CHRM3: variants seen among roughly 807,000 people sequenced by gnomAD.
CHRM3 encodes cholinergic receptor muscarinic 3.
A neutral mutation model predicts 41.8 loss-of-function variants in CHRM3; 11 were observed. The observed-to-expected ratio is 0.26, with a 90% confidence interval of 0.17 to 0.44. CHRM3 has a LOEUF of 0.44. Ranked by LOEUF, CHRM3 falls within the 20% of genes least tolerant of loss-of-function variation. CHRM3 has a pLI of 1.00. For synonymous variants in CHRM3, 297 were observed against 301.4 expected (o/e 0.99, Z 0.15); for missense variants, 571 against 745.4 (o/e 0.77, Z 2.72).
At chr1:239,504,070 A>C (rs1305449572) in intron 2 of CHRM3, among the ~76,000 whole-genome samples, 1 of 152,184 alleles carries the variant, frequency 6.6e-6, no homozygotes, top group Non-Finnish European at 1.5e-5. Flanking sequence ...TTTGGGACTT[A>C]AACTAAAGAG....
intron 5 of CHRM3, among the ~76,000 whole-genome samples, chr1:239,701,816 C>G (rs1660715146): frequency 6.6e-6 from 1 of 152,116 alleles, no homozygotes. Context: ...CCTTCTCACC[C>G]CATTCCTCGC....
At chr1:239,442,943 T>G (rs1357072591) in intron 1 of CHRM3, among the ~76,000 whole-genome samples, 1 of 152,226 alleles carries the variant, frequency 6.6e-6, no homozygotes, top group Non-Finnish European at 1.5e-5. Flanking sequence ...TGTAGTTTAA[T>G]CAAGTCTGAC....
In CHRM3 at chr1:239,671,763, T is replaced by C. The variant is rs974005322; in HGVS notation, c.-249-6423T>C. On this transcript the variant is annotated intron_variant, in intron 4 of 6. Coordinates refer to ENST00000676153, the MANE Select transcript of CHRM3 (RefSeq NM_001375978.1). ...TATAATTGGAAATCCAGAGTAGTTT[T>C]TGAGAAATAATTTCTAAATTCTTTT... Among the ~76,000 whole-genome samples, 5 of 152,274 alleles carry C rather than the reference T, an allele frequency of 3.3e-5. No individual in the cohort carries two copies. The South Asian group carries it at 8.3e-4, about 25-fold the overall frequency.
intron 6 of CHRM3, among the ~76,000 whole-genome samples, chr1:239,875,081 C>T (rs1042721910): frequency 6.6e-6 from 1 of 152,146 alleles, no homozygotes; most frequent in Admixed American, 6.5e-5. Flanking sequence ...TAGCAAAATG[C>T]CCAAAAGGTA....
chr1:239,809,050 T>C (rs1468707403), intron 5 of CHRM3, among the ~76,000 whole-genome samples: 1 of 130,006 alleles, frequency 7.7e-6, no homozygotes, highest in Non-Finnish European at 1.6e-5. Context: ...GACAGAGTCT[T>C]GCTCTGTCAC....
At chr1:239,842,503 G>A (rs1422127878) in intron 6 of CHRM3, among the ~76,000 whole-genome samples, 3 of 152,170 alleles carry the variant, frequency 2.0e-5, no homozygotes, top group African/African-American at 7.2e-5. Flanking sequence ...CCAAAGTGTT[G>A]GGATTACAGG....
intron 5 of CHRM3, among the ~76,000 whole-genome samples, chr1:239,802,289 G>GA (rs917588889): frequency 4.6e-5 from 7 of 152,082 alleles, no homozygotes; most frequent in Non-Finnish European, 7.4e-5. Flanking sequence ...ATGTGCCATA[G>GA]AAAAAAATAT....
intron 1 of CHRM3, among the ~76,000 whole-genome samples, chr1:239,405,849 A>G (rs1489376854): frequency 1.3e-5 from 2 of 151,916 alleles, no homozygotes; most frequent in Non-Finnish European, 2.9e-5. Context: ...TTGGTTTTCA[A>G]TTTGGCTATC....
At chr1:239,651,145 T>C (rs1438494847) in intron 4 of CHRM3, among the ~76,000 whole-genome samples, 3 of 152,188 alleles carry the variant, frequency 2.0e-5, no homozygotes, top group Non-Finnish European at 4.4e-5. Context: ...TGGAGATCCC[T>C]ATCTTAGAAA....
At chr1:239,689,680 G>T (rs1659521264) in intron 5 of CHRM3, among the ~76,000 whole-genome samples, 1 of 152,132 alleles carries the variant, frequency 6.6e-6, no homozygotes, top group Non-Finnish European at 1.5e-5. Flanking sequence ...TGCATATTCT[G>T]TGCCAAACAT....
At chr1:239,666,884 A>C (rs1673859235) in intron 4 of CHRM3, among the ~76,000 whole-genome samples, 1 of 152,122 alleles carries the variant, frequency 6.6e-6, no homozygotes, top group African/African-American at 2.4e-5. Context: ...ATGAGTACAC[A>C]ATGTTTAGCT....
chr1:239,687,457 T>C (rs1157322027), intron 5 of CHRM3, among the ~76,000 whole-genome samples: 1 of 152,214 alleles, frequency 6.6e-6, no homozygotes, highest in Non-Finnish European at 1.5e-5. Flanking sequence ...TTAGAAATAC[T>C]AAAATTAATC....
At chr1:239,804,944 G>A (rs1670514471) in intron 5 of CHRM3, among the ~76,000 whole-genome samples, 2 of 152,030 alleles carry the variant, frequency 1.3e-5, no homozygotes, top group Admixed American at 1.3e-4. Flanking sequence ...TTTAGTCTCT[G>A]CTAATTCTTC....
chr1:239,697,712 A>C (rs576672346), intron 5 of CHRM3, among the ~76,000 whole-genome samples: 2 of 152,200 alleles, frequency 1.3e-5, no homozygotes, highest in East Asian at 3.9e-4. Context: ...TTGCTCCACT[A>C]CTCCAAAGGC....
chr1:239,635,926 G>A (rs1022185590), intron 4 of CHRM3, among the ~76,000 whole-genome samples: 18 of 152,134 alleles, frequency 1.2e-4, no homozygotes, highest in African/African-American at 2.4e-5. Flanking sequence ...TGTCCCCAAC[G>A]TGTCTTTTGC....
At chr1:239,601,714 A>C (rs891828552) in intron 3 of CHRM3, among the ~76,000 whole-genome samples, 2 of 152,216 alleles carry the variant, frequency 1.3e-5, no homozygotes, top group South Asian at 2.1e-4. Context: ...AGTGCTCAAC[A>C]AACGGATAAA....
intron 5 of CHRM3, among the ~76,000 whole-genome samples, chr1:239,758,365 G>A (rs1335758587): frequency 6.6e-6 from 1 of 152,112 alleles, no homozygotes; most frequent in East Asian, 1.9e-4. Context: ...CTTCATTAGT[G>A]CAAGTTGAAT....
intron 6 of CHRM3, among the ~76,000 whole-genome samples, chr1:239,872,247 C>T (rs1345744946): frequency 6.6e-6 from 1 of 152,180 alleles, no homozygotes; most frequent in Non-Finnish European, 1.5e-5. Context: ...TCACCTTGGT[C>T]ACATTGCTAC....
chr1:239,560,768 G>A (rs757148075), intron 3 of CHRM3, among the ~76,000 whole-genome samples: 6 of 151,708 alleles, frequency 4.0e-5, no homozygotes, highest in Non-Finnish European at 7.4e-5. Flanking sequence ...AGCTCCATCC[G>A]TGACCCCTAA....
Sources: allele counts gnomAD v4.1 joint callset (sites outside exome capture counted in the v4.1 genomes callset), GRCh38; gene constraint gnomAD v4.1.1; transcripts MANE v1.5; gene names NCBI Gene and HGNC (gene_info 2026-07-23, HGNC 2026-07-21).